The following GRID2 variants were observed in gnomAD, a reference collection of about 807,000 sequenced individuals.
The protein encoded by GRID2 is glutamate receptor ionotropic, delta-2.
Under a neutral mutation model 114.8 loss-of-function variants are expected in GRID2, and 33 were observed. The ratio of observed to expected loss-of-function variants is 0.29; its 90% CI spans 0.22 to 0.38. The LOEUF is 0.38. Ranked by LOEUF, GRID2 falls within the 10% of genes least tolerant of loss-of-function variation. GRID2 has a pLI of 1.00. For missense variants in GRID2, 1,184 were observed against 1,257.7 expected (o/e 0.94, Z 0.89); for synonymous variants, 505 against 449.9 (o/e 1.12, Z -1.55).
At chr4:92,728,512 G>A (rs903271437) in intron 2 of GRID2, among the ~76,000 whole-genome samples, 3 of 151,956 alleles carry the variant, frequency 2.0e-5, no homozygotes, top group African/African-American at 7.2e-5. Flanking sequence ...CTCAGACCCA[G>A]GTAGCTGACT....
chr4:93,311,510 G>A (rs1381124469), intron 8 of GRID2, among the ~76,000 whole-genome samples: 2 of 152,100 alleles, frequency 1.3e-5, no homozygotes, highest in African/African-American at 2.4e-5. Context: ...CAAACACGTA[G>A]TTAGATATAT....
At chr4:93,483,304 G>A (rs1361110255) in intron 11 of GRID2, among the ~76,000 whole-genome samples, 1 of 151,808 alleles carries the variant, frequency 6.6e-6, no homozygotes, top group East Asian at 1.9e-4. Flanking sequence ...CATTTTGTTA[G>A]TAACCTGTTT....
At chr4:92,565,729 A>T (rs545328382) in intron 1 of GRID2, among the ~76,000 whole-genome samples, 8 of 152,100 alleles carry the variant, frequency 5.3e-5, no homozygotes, top group Non-Finnish European at 1.2e-4. Flanking sequence ...GAAATTAACA[A>T]GTCTTTTTCT....
chr4:92,930,489 C>T (rs1750141594), intron 2 of GRID2, among the ~76,000 whole-genome samples: 1 of 149,710 alleles, frequency 6.7e-6, no homozygotes, highest in Non-Finnish European at 1.5e-5. Context: ...GGTGATATTT[C>T]AAATTTAATA....
intron 1 of GRID2, among the ~76,000 whole-genome samples, chr4:92,319,702 T>C (rs1045706769): frequency 6.6e-6 from 1 of 152,160 alleles, no homozygotes; most frequent in East Asian, 1.9e-4. Context: ...GGACCTATGT[T>C]TGGGAAGTCA....
intron 2 of GRID2, among the ~76,000 whole-genome samples, chr4:92,624,700 GA>G (rs958944944): frequency 1.3e-5 from 2 of 150,452 alleles, no homozygotes; most frequent in Admixed American, 1.3e-4. Flanking sequence ...TCAACCAAAG[GA>G]AAAAAAAGGT....
In GRID2 at chr4:93,428,263, T is replaced by C. The variant is rs138086522; in HGVS notation, c.1545+5295T>C. 2.4e-4 allele frequency among the ~76,000 whole-genome samples: 36 copies of C among 152,232 alleles called. No homozygotes were observed. The East Asian group carries it at 4.1e-3, about 17-fold the overall frequency. ...ACTTCCTTTTTCATATATTAATTTGTTTGGAAAAGATTTCTATAAAGTAAA... is the reference window on the plus strand; with the variant it reads ...ACTTCCTTTTTCATATATTAATTTGCTTGGAAAAGATTTCTATAAAGTAAA... On this transcript the variant is annotated intron_variant, in intron 10 of 15. Transcript: ENST00000282020.
intron 2 of GRID2, among the ~76,000 whole-genome samples, chr4:92,884,389 AT>A (rs1391889761): frequency 6.6e-6 from 1 of 152,084 alleles, no homozygotes; most frequent in Admixed American, 6.6e-5. Flanking sequence ...TGGTTTTCTT[AT>A]TATCTGTGGT....
intron 2 of GRID2, among the ~76,000 whole-genome samples, chr4:92,724,635 G>A (rs1735978538): frequency 6.6e-6 from 1 of 152,092 alleles, no homozygotes; most frequent in Non-Finnish European, 1.5e-5. Flanking sequence ...CACAAATGTG[G>A]TGTCTACTTC....
intron 2 of GRID2, among the ~76,000 whole-genome samples, chr4:92,610,217 C>T (rs969396124): frequency 6.6e-6 from 1 of 151,516 alleles, no homozygotes; most frequent in Admixed American, 6.6e-5. Context: ...ATTTACGTTG[C>T]TGGGACCCAG....
chr4:92,620,995 CAAA>C (rs67388525), intron 2 of GRID2, among the ~76,000 whole-genome samples: 4 of 112,272 alleles, frequency 3.6e-5, no homozygotes, highest in Non-Finnish European at 3.8e-5. Flanking sequence ...TAAAGAATGC[CAAA>C]AAAAAAAAAA....
At chr4:92,313,248 T>A (rs1381759473) in intron 1 of GRID2, among the ~76,000 whole-genome samples, 1 of 152,066 alleles carries the variant, frequency 6.6e-6, no homozygotes, top group East Asian at 1.9e-4. Flanking sequence ...AAACATTGTA[T>A]GTTCTCACTG....
chr4:92,591,141 G>T (rs1728691366), intron 2 of GRID2, among the ~76,000 whole-genome samples: 1 of 152,082 alleles, frequency 6.6e-6, no homozygotes, highest in Non-Finnish European at 1.5e-5. Flanking sequence ...AGATGATTAG[G>T]TCATGAGGGC....
chr4:92,859,887 C>T lies in GRID2; in HGVS notation c.245-225108C>T, dbSNP rs570693556. Among the ~76,000 whole-genome samples, 7 of 152,154 alleles carry T rather than the reference C, an allele frequency of 4.6e-5. No individual in the cohort carries two copies. The South Asian group carries it at 1.5e-3, about 32-fold the overall frequency. On this transcript the variant is annotated intron_variant, in intron 2 of 15. Coordinates refer to ENST00000282020, the MANE Select transcript of GRID2 (RefSeq NM_001510.4). ...GCATTTGTTCTGTGCATTGTAGAAT[C>T]TTTAGCAGCATTTCTGGCTTCTGTC...
intron 2 of GRID2, among the ~76,000 whole-genome samples, chr4:92,709,589 A>AAAAATATATATATATAT (rs779775767): frequency 1.7e-5 from 2 of 114,660 alleles, no homozygotes; most frequent in African/African-American, 6.9e-5. Context: ...AAAAAAAAAA[A>AAAAATATATATATATAT]ATATATATAT....
intron 1 of GRID2, among the ~76,000 whole-genome samples, chr4:92,445,365 A>C (rs1311655408): frequency 2.0e-5 from 3 of 152,224 alleles, no homozygotes; most frequent in African/African-American, 7.2e-5. Context: ...TCAGCATATA[A>C]AAGTGAAGGA....
rs1201467638 is a variant in GRID2, at chr4:93,216,868, C to T, written c.920C>T (p.Ser307Leu). 6.2e-7 allele frequency: 1 copy of T among 1,612,896 alleles called. No homozygotes were observed. Among genetic ancestry groups the T allele is most frequent in the Non-Finnish European group, 8.5e-7 (1 of 1,179,028 alleles). The change falls in exon 6 of 16, where the codon TCA (serine) becomes TTA (leucine). Residue 307 changes from serine to leucine, a missense_variant. By Grantham distance (145) the Ser-to-Leu change is moderately radical (BLOSUM62 -2). Transcript: ENST00000282020. ...TTCCGTGGCAACCATCGAATATCTT[C>T]AACATTGTGTGATCCAAAGGATCCA... ...RCFRGNHRIS[S>L]TLCDPKDPFA...
chr4:92,567,987 A>C (rs1727418053), intron 1 of GRID2, among the ~76,000 whole-genome samples: 1 of 152,032 alleles, frequency 6.6e-6, no homozygotes, highest in Non-Finnish European at 1.5e-5. Flanking sequence ...ATGGCCATAT[A>C]AACTATGAAG....
chr4:93,413,722 A>G (rs1767435283), intron 9 of GRID2, among the ~76,000 whole-genome samples: 1 of 152,180 alleles, frequency 6.6e-6, no homozygotes, highest in South Asian at 2.1e-4. Flanking sequence ...AGCTTTAAAG[A>G]TTATGACTTT....
Sources: allele counts gnomAD v4.1 joint callset (sites outside exome capture counted in the v4.1 genomes callset), GRCh38; gene constraint gnomAD v4.1.1; transcripts MANE v1.5; gene names NCBI Gene and HGNC (gene_info 2026-07-23, HGNC 2026-07-21).